FMR1: variants seen among roughly 807,000 people sequenced by gnomAD.
FMR1 encodes fragile X messenger ribonucleoprotein 1.
Under a neutral mutation model 50.6 loss-of-function variants are expected in FMR1, and 13 were observed. The ratio of observed to expected loss-of-function variants is 0.26; its 90% CI spans 0.17 to 0.41. The LOEUF is 0.41. FMR1 is among the 10% of genes least tolerant of loss of function. The probability of loss-of-function intolerance (pLI) is 1.00; values close to 1 mark genes in which losing one functional copy is unlikely to be tolerated. For missense variants in FMR1, 316 were observed against 491.3 expected (o/e 0.64, Z 3.37); for synonymous variants, 138 against 164.1 (o/e 0.84, Z 1.22).
At chrX:147,944,065 A>G (rs1340516230) in intron 14 of FMR1, 15 of 476,174 alleles carry the variant, frequency 3.2e-5, no homozygotes, top group Non-Finnish European at 3.9e-5. Context: ...AGAGGAAGAG[A>G]GAGGTAGTAG....
In FMR1 at chrX:147,912,099, C is replaced by CGGCGGCGGCGGA. The variant is rs1569545091; in HGVS notation, c.-70_-69insAGGCGGCGGCGG. On this transcript the variant is annotated 5_prime_UTR_variant, in exon 1 of 17. Coordinates refer to ENST00000370475, the MANE Select transcript of FMR1 (RefSeq NM_002024.6). ...GCGGCGGAGGCGGCGGCGGCGGCGG[C>CGGCGGCGGCGGA]GGCGGCGGCGGCTGGGCCTCGAGCG... 108 of 645,257 alleles carry CGGCGGCGGCGGA rather than the reference C, an allele frequency of 1.7e-4. 2 individuals carry two copies. In the South Asian group the frequency reaches 5.3e-3, roughly 32 times the overall value. 53.2% of individuals were successfully genotyped at this position (645,257 alleles called of 1,213,427 possible).
rs1234757089 is a variant in FMR1 at position 147,950,982 on chromosome X, A to G, written c.*2138A>G. 3 of 260,970 alleles carry G rather than the reference A, an allele frequency of 1.1e-5. No homozygotes were observed. The highest frequency in any genetic ancestry group is 2.1e-5 in the Non-Finnish European group (3 of 139,565). The allele number at this position is 260,970 out of a possible 1,213,427, so 21.5% of individuals were successfully genotyped here. Reference sequence around the variant, plus strand: ...AATGGAGTTGGAGTTCATTCATATTACAATATTTGTGTGCTAAACGTGTAT... The same window carrying G: ...AATGGAGTTGGAGTTCATTCATATTGCAATATTTGTGTGCTAAACGTGTAT... On this transcript the variant is annotated 3_prime_UTR_variant, in exon 17 of 17. Coordinates refer to ENST00000370475, the MANE Select transcript of FMR1 (RefSeq NM_002024.6).
In FMR1 at chrX:147,948,912, T is replaced by G. The variant is rs781983693; in HGVS notation, c.*68T>G. 1.2e-5 allele frequency: 13 copies of G among 1,069,281 alleles called. No individual in the cohort carries two copies. The highest frequency in any genetic ancestry group is 1.6e-5 in the Non-Finnish European group (12 of 768,813). The allele number at this position is 1,069,281 out of a possible 1,213,427, so 88.1% of individuals were successfully genotyped here. A position where few individuals can be genotyped will look rare whatever the true frequency, so the allele number is the denominator to read the frequency against. On this transcript the variant is annotated 3_prime_UTR_variant, in exon 17 of 17. Coordinates refer to ENST00000370475, the MANE Select transcript of FMR1 (RefSeq NM_002024.6). The stretch of plus-strand genomic sequence containing the variant: ...ATTCTTATTCCATATTAGAAAACTT[T>G]GTTAGGCCAAAGACAAATAGTAGGC...
chrX:147,928,152 T>G lies in FMR1; in HGVS notation c.199-170T>G, dbSNP rs1557177861. On this transcript the variant is annotated intron_variant, in intron 3 of 16. Transcript: ENST00000370475. Reference sequence around the variant, plus strand: ...CAGGTAGTTTCTGATTATGTATCTCTGCCTACCTCGGGGTACATAGACAGG... The same window carrying G: ...CAGGTAGTTTCTGATTATGTATCTCGGCCTACCTCGGGGTACATAGACAGG... The G allele has an allele frequency of 1.8e-5, 8 of 435,903 alleles. No homozygotes were observed. The East Asian group carries it at 2.9e-4, about 16-fold the overall frequency. The allele number at this position is 435,903 out of a possible 1,213,427, so 35.9% of individuals were successfully genotyped here.
intron 12 of FMR1, among the ~76,000 whole-genome samples, chrX:147,939,555 T>A (rs1437013566): frequency 1.1e-4 from 12 of 111,386 alleles, no homozygotes; most frequent in Non-Finnish European, 3.8e-5. Flanking sequence ...CAGAAATGAT[T>A]TACTTTTTAC....
intron 9 of FMR1, chrX:147,933,270 C>T (rs1184927973): frequency 6.1e-6 from 2 of 328,178 alleles, no homozygotes; most frequent in East Asian, 1.1e-4. Flanking sequence ...TGACTGTATA[C>T]CTTTTATATC....
At chrX:147,913,935 A>G (rs1557174553) in intron 1 of FMR1, 1 of 111,779 alleles carries the variant, frequency 8.9e-6, no homozygotes, top group Non-Finnish European at 1.9e-5. Context: ...ATTTTGATTG[A>G]CCTGTGATAT....
intron 2 of FMR1, among the ~76,000 whole-genome samples, chrX:147,923,558 G>A (rs2043267130): frequency 9.0e-6 from 1 of 111,718 alleles, no homozygotes; most frequent in Non-Finnish European, 1.9e-5. Flanking sequence ...TTTCCTCTAT[G>A]CATTTAAGAA....
At chrX:147,928,292 G>T (rs2043460173) in intron 3 of FMR1, 30 bp from the exon 4 acceptor site, 1 of 1,139,599 alleles carries the variant, frequency 8.8e-7, no homozygotes, top group Non-Finnish European at 1.2e-6. Context: ...TGTTAATCAT[G>T]AAATATTCTG....
intron 13 of FMR1, among the ~76,000 whole-genome samples, chrX:147,942,790 TA>T (rs1423397147): frequency 1.8e-5 from 2 of 112,605 alleles, no homozygotes; most frequent in Non-Finnish European, 3.8e-5. Context: ...TTTAATATCC[TA>T]TCATGAAGAA....
At position 147,932,599 on chromosome X, in the gene FMR1, A is replaced by G; in HGVS notation, c.801+4A>G. 1 of 1,204,110 alleles carries G rather than the reference A, an allele frequency of 8.3e-7. No homozygotes were observed. Among genetic ancestry groups the G allele is most frequent in the Non-Finnish European group, 1.1e-6 (1 of 888,639 alleles). On this transcript the variant is annotated splice_donor_region_variant and intron_variant, in intron 8 of 16. Transcript: ENST00000370475. ...CACATTTCATATTTATGGAGAGGTA[A>G]ATATTTTACTGCATAGTTTTTTTTT...
chrX:147,918,928 G>A (rs1356476632), intron 1 of FMR1, among the ~76,000 whole-genome samples: 1 of 110,896 alleles, frequency 9.0e-6, no homozygotes, highest in Non-Finnish European at 1.9e-5. Flanking sequence ...TGGCTACTAT[G>A]GTAGATGGCA....
rs1479546966 is a variant in FMR1, at chrX:147,930,326, C to T, written c.630+82C>T. The T allele has an allele frequency of 1.5e-5, 9 of 619,313 alleles. No homozygotes were observed. In the Admixed American group the frequency reaches 2.0e-4, roughly 14 times the overall value. The allele number at this position is 619,313 out of a possible 1,213,427, so 51.0% of individuals were successfully genotyped here. ...CATTCCACAACTTGAATATGGGGAG[C>T]TTGTCATTTATTTACTGCTTCTTAA... On this transcript the variant is annotated intron_variant, in intron 7 of 16. Transcript: ENST00000370475.
chrX:147,925,232 T>C (rs25729), intron 2 of FMR1, among the ~76,000 whole-genome samples: 3 of 112,273 alleles, frequency 2.7e-5, no homozygotes, highest in East Asian at 2.8e-4. Context: ...TGTGGACTTA[T>C]GTTTAAAGCT....
rs1557179875 is a variant in FMR1, at chrX:147,937,534, A to G, written c.1059A>G (p.Lys353=). The G allele has an allele frequency of 1.7e-6, 2 of 1,196,510 alleles. No homozygotes were observed. Among genetic ancestry groups the G allele is most frequent in the Non-Finnish European group, 1.1e-6 (1 of 881,927 alleles). ...SRVGPNAPEE[K]KHLDIKENST... ...TTGGACCTAATGCCCCAGAAGAAAA[A>G]AAACATTTAGATATAAAGGAAAACA... Residue 353 remains lysine, a synonymous_variant, in exon 11 of 17, where the codon AAA becomes AAG. Transcript: ENST00000370475.
intron 2 of FMR1, among the ~76,000 whole-genome samples, chrX:147,924,467 TTG>T (rs3999731): frequency 0.16 from 14,219 of 90,906 alleles, 1,070 homozygotes; most frequent in Non-Finnish European, 0.18. Context: ...AGTATTTTAT[TTG>T]TGTGTGTGTG....
chrX:147,912,343 C>A, intron 1 of FMR1, 113 bp downstream of exon 1: 2 of 719,122 alleles, frequency 2.8e-6, no homozygotes, highest in South Asian at 2.6e-5. Context: ...GCCTGGGTGC[C>A]AGGGCACGCT....
chrX:147,927,419 T>C (rs782366653), intron 3 of FMR1, among the ~76,000 whole-genome samples: 1 of 111,982 alleles, frequency 8.9e-6, no homozygotes, highest in South Asian at 3.7e-4. Flanking sequence ...TTGTATTCAG[T>C]CACTGTATTG....
rs781828790 is a variant in FMR1 at position 147,930,060 on chromosome X, T to A, written c.513+19T>A. 1 of 1,170,103 alleles carries A rather than the reference T, an allele frequency of 8.5e-7. No homozygotes were observed. The highest frequency in any genetic ancestry group is 1.8e-5 in the South Asian group (1 of 55,999). Reference sequence around the variant, plus strand: ...CATTTTGGTGAGCATTTTTGAGTTGTTTATTTTTAGTTTAATTCATCTGGG... The same window carrying A: ...CATTTTGGTGAGCATTTTTGAGTTGATTATTTTTAGTTTAATTCATCTGGG... On this transcript the variant is annotated intron_variant, in intron 6 of 16. Coordinates refer to ENST00000370475, the MANE Select transcript of FMR1 (RefSeq NM_002024.6).
Sources: allele counts gnomAD v4.1 joint callset (sites outside exome capture counted in the v4.1 genomes callset), GRCh38; gene constraint gnomAD v4.1.1; transcripts MANE v1.5; gene names NCBI Gene and HGNC (gene_info 2026-07-23, HGNC 2026-07-21).